The following AK5 variants were observed in gnomAD, a reference collection of about 807,000 sequenced individuals.
AK5 encodes the protein adenylate kinase isoenzyme 5.
Under a neutral mutation model 69.5 loss-of-function variants are expected in AK5, and 27 were observed. The observed-to-expected ratio is 0.39, with a 90% CI of 0.29 to 0.54. The LOEUF is 0.54. Ranked by LOEUF, AK5 falls within the 20% of genes least tolerant of loss-of-function variation. The pLI is 0.71. For missense variants in AK5, 531 were observed against 700.4 expected, an observed-to-expected ratio of 0.76 and a Z score of 2.73; for synonymous variants, 260 against 244.4, an observed-to-expected ratio of 1.06 and a Z score of -0.60.
intron 5 of AK5, among the ~76,000 whole-genome samples, chr1:77,304,948 C>T (rs1445564239): frequency 6.6e-6 from 1 of 152,166 alleles, no homozygotes; most frequent in Non-Finnish European, 1.5e-5. Flanking sequence ...ATTTACATTC[C>T]CATAAACAGT....
chr1:77,339,874 C>A (rs781588299), intron 5 of AK5, among the ~76,000 whole-genome samples: 1 of 152,018 alleles, frequency 6.6e-6, no homozygotes, highest in Non-Finnish European at 1.5e-5. Context: ...CCCGCCTCAG[C>A]CTCCCAAAGT....
intron 8 of AK5, among the ~76,000 whole-genome samples, chr1:77,443,980 A>G (rs976622003): frequency 6.6e-6 from 1 of 151,198 alleles, no homozygotes; most frequent in East Asian, 1.9e-4. Context: ...TTTAGAAAAA[A>G]TCCTGACTGC....
intron 8 of AK5, among the ~76,000 whole-genome samples, chr1:77,470,848 TATATATATATATA>T (rs1654429567): frequency 0.012 from 150 of 12,838 alleles, 23 homozygotes; most frequent in South Asian, 0.025. Context: ...TATATATATA[TATATATATATATA>T]TATATATATA....
At chr1:77,419,121 C>G (rs1371980596) in intron 8 of AK5, among the ~76,000 whole-genome samples, 1 of 151,610 alleles carries the variant, frequency 6.6e-6, no homozygotes, top group African/African-American at 2.4e-5. Flanking sequence ...AGGATGTGAA[C>G]TTAGGGCACA....
chr1:77,455,761 C>A (rs1053089827), intron 8 of AK5, among the ~76,000 whole-genome samples: 5 of 152,154 alleles, frequency 3.3e-5, no homozygotes, highest in Admixed American at 6.5e-5. Context: ...GCTGTAAAAC[C>A]TCCCCACGTT....
chr1:77,485,385 C>A (rs1371498054), intron 9 of AK5, among the ~76,000 whole-genome samples: 2 of 152,140 alleles, frequency 1.3e-5, no homozygotes, highest in African/African-American at 4.8e-5. Context: ...TGAATTCCTA[C>A]AAAATGTGGT....
intron 8 of AK5, among the ~76,000 whole-genome samples, chr1:77,469,745 C>G (rs1381964117): frequency 6.6e-6 from 1 of 152,190 alleles, no homozygotes; most frequent in Non-Finnish European, 1.5e-5. Context: ...TGGCAGGAGC[C>G]TAAGGGAGGA....
chr1:77,283,274 G>A (rs974453198), intron 1 of AK5: 33 of 985,308 alleles, frequency 3.3e-5, no homozygotes, highest in Admixed American at 6.1e-5. Context: ...TGAATCTCAA[G>A]TGCTTTTGCT....
At chr1:77,491,844 C>A (rs1224197550) in intron 10 of AK5, among the ~76,000 whole-genome samples, 2 of 152,162 alleles carry the variant, frequency 1.3e-5, no homozygotes, top group East Asian at 3.9e-4. Flanking sequence ...CTATTACTCT[C>A]CTGATTTTTC....
At chr1:77,491,603 C>T (rs1018419867) in intron 10 of AK5, among the ~76,000 whole-genome samples, 1 of 152,284 alleles carries the variant, frequency 6.6e-6, no homozygotes, top group Admixed American at 6.5e-5. Flanking sequence ...CCGTGCTCAG[C>T]CATGAATTGA....
chr1:77,390,875 T>C (rs1271644780), intron 6 of AK5, among the ~76,000 whole-genome samples: 1 of 152,240 alleles, frequency 6.6e-6, no homozygotes, highest in African/African-American at 2.4e-5. Context: ...AAAATGTTTG[T>C]GTACAATCAC....
rs569708670 is a variant in AK5, at chr1:77,471,025, C to T, written c.1060-12292C>T. 2.3e-3 allele frequency among the ~76,000 whole-genome samples: 348 copies of T among 150,430 alleles called. 1 individual carries two copies. Among genetic ancestry groups the T allele is most frequent in the African/African-American group, 8.3e-3 (340 of 40,934 alleles). On this transcript the variant is annotated intron_variant, in intron 8 of 13. Transcript: ENST00000354567. ...CCTCCTGAGTAGCTGGGACTAAAGG[C>T]GTGTGCCACCATGCCTGGCTAATTT...
chr1:77,540,741 A>C (rs1659221832), intron 13 of AK5: 1 of 152,222 alleles, frequency 6.6e-6, no homozygotes, highest in South Asian at 2.1e-4. Flanking sequence ...AAGTGGATAG[A>C]ACACGATCTA....
At chr1:77,494,509 T>TA (rs1192048221) in intron 10 of AK5, among the ~76,000 whole-genome samples, 1 of 152,168 alleles carries the variant, frequency 6.6e-6, no homozygotes, top group Non-Finnish European at 1.5e-5. Context: ...GCCAACCCCT[T>TA]ATCTCCTCTG....
At chr1:77,516,591 G>A (rs1161442483) in intron 10 of AK5, among the ~76,000 whole-genome samples, 1 of 152,014 alleles carries the variant, frequency 6.6e-6, no homozygotes, top group Non-Finnish European at 1.5e-5. Flanking sequence ...AGAGGAGGAA[G>A]GAAGGGCCTT....
intron 6 of AK5, among the ~76,000 whole-genome samples, chr1:77,360,303 C>T (rs1646840292): frequency 1.3e-5 from 2 of 152,084 alleles, no homozygotes; most frequent in Admixed American, 6.6e-5. Flanking sequence ...ATCATAGATG[C>T]TAAATTTAAA....
intron 7 of AK5, among the ~76,000 whole-genome samples, chr1:77,412,380 T>C (rs1650103342): frequency 6.6e-6 from 1 of 152,128 alleles, no homozygotes; most frequent in Admixed American, 6.5e-5. Flanking sequence ...CTTTCTCCTC[T>C]CTGTACCTCA....
At chr1:77,449,793 C>G (rs1268059382) in intron 8 of AK5, among the ~76,000 whole-genome samples, 2 of 152,088 alleles carry the variant, frequency 1.3e-5, no homozygotes, top group Non-Finnish European at 2.9e-5. Context: ...AGACATTTTC[C>G]CCATTGTCTT....
intron 8 of AK5, among the ~76,000 whole-genome samples, chr1:77,428,712 C>A (rs930793184): frequency 6.6e-6 from 1 of 152,050 alleles, no homozygotes; most frequent in Non-Finnish European, 1.5e-5. Flanking sequence ...AGTAACTTGT[C>A]ATTTAACATT....
Sources: gnomAD v4.1 joint callset for allele counts (sites outside exome capture counted in the v4.1 genomes callset) on GRCh38, gnomAD v4.1.1 for gene constraint, MANE v1.5 for transcripts, NCBI Gene and HGNC (gene_info 2026-07-23, HGNC 2026-07-21) for gene names.